DLG2: variants seen among roughly 807,000 people sequenced by gnomAD.
DLG2 encodes disks large homolog 2.
A neutral mutation model predicts 132.5 loss-of-function variants in DLG2; 45 were observed. The observed-to-expected ratio is 0.34, with a 90% CI of 0.27 to 0.44. The LOEUF (loss-of-function observed/expected upper bound fraction) is 0.44. Ranked by LOEUF, DLG2 falls within the 20% of genes least tolerant of loss-of-function variation. The pLI is 1.00. For missense variants in DLG2, 1,045 were observed against 1,196.9 expected, an observed-to-expected ratio of 0.87 and a Z score of 1.87; for synonymous variants, 424 against 419.6, an observed-to-expected ratio of 1.01 and a Z score of -0.13.
chr11:85,435,504 C>G (rs945497079), intron 3 of DLG2, among the ~76,000 whole-genome samples: 1 of 152,044 alleles, frequency 6.6e-6, no homozygotes, highest in Non-Finnish European at 1.5e-5. Context: ...CACAAGCATT[C>G]TTACACAACA....
chr11:83,824,919 TA>T (rs2052060131), intron 17 of DLG2, among the ~76,000 whole-genome samples: 1 of 151,962 alleles, frequency 6.6e-6, no homozygotes, highest in Non-Finnish European at 1.5e-5. Context: ...TTGTGACATA[TA>T]GTATGTTTAT....
At chr11:83,931,315 C>A (rs2080172161) in intron 14 of DLG2, among the ~76,000 whole-genome samples, 1 of 152,118 alleles carries the variant, frequency 6.6e-6, no homozygotes, top group South Asian at 2.1e-4. Flanking sequence ...TCTAAACTGC[C>A]AGCACAGAAC....
At chr11:85,502,997 G>A (rs2093840404) in intron 3 of DLG2, among the ~76,000 whole-genome samples, 1 of 151,902 alleles carries the variant, frequency 6.6e-6, no homozygotes, top group African/African-American at 2.4e-5. Context: ...AATAAAAAAT[G>A]AACAAACTAA....
chr11:84,355,466 C>T lies in DLG2; in HGVS notation c.520-104175G>A, dbSNP rs183513215. ...CCAGAGAAGTGCCTTTCCCCTTCTG[C>T]CAAGTGAAGACACAGCAAGAAGGTG... is the stretch of plus-strand genomic sequence containing the variant. On this transcript the variant is annotated intron_variant, in intron 7 of 27. Transcript: ENST00000376104. Among the ~76,000 whole-genome samples the T allele has an allele frequency of 2.2e-3, 339 of 152,078 alleles. 2 individuals are homozygous for T. The highest frequency in any genetic ancestry group is 7.9e-3 in the African/African-American group (328 of 41,512).
intron 8 of DLG2, among the ~76,000 whole-genome samples, chr11:84,192,993 A>AAATTAGTG (rs1261714964): frequency 6.6e-6 from 1 of 152,164 alleles, no homozygotes; most frequent in Non-Finnish European, 1.5e-5. Context: ...AAATTAAAAA[A>AAATTAGTG]AATTAGTGAA....
At chr11:84,785,927 A>G (rs1468962681) in intron 6 of DLG2, among the ~76,000 whole-genome samples, 1 of 152,040 alleles carries the variant, frequency 6.6e-6, no homozygotes, top group Non-Finnish European at 1.5e-5. Flanking sequence ...TTTCCTACCT[A>G]AGACCTAGAA....
chr11:83,883,362 G>C (rs1365621771), intron 15 of DLG2, among the ~76,000 whole-genome samples: 1 of 151,940 alleles, frequency 6.6e-6, no homozygotes, highest in Non-Finnish European at 1.5e-5. Context: ...TTTTTCTGAA[G>C]TTCTATTTCA....
chr11:84,029,103 T>C (rs987197864), intron 11 of DLG2, among the ~76,000 whole-genome samples: 1 of 152,234 alleles, frequency 6.6e-6, no homozygotes, highest in Admixed American at 6.6e-5. Context: ...TGCAGTATAT[T>C]AGCAATTTAT....
At chr11:85,423,693 GT>G (rs1207822697) in intron 3 of DLG2, among the ~76,000 whole-genome samples, 4 of 152,036 alleles carry the variant, frequency 2.6e-5, no homozygotes, top group Non-Finnish European at 5.9e-5. Flanking sequence ...TGCTATGCAG[GT>G]TGTCAGGGAA....
At chr11:83,673,515 C>T (rs775450271) in intron 18 of DLG2, among the ~76,000 whole-genome samples, 1 of 152,120 alleles carries the variant, frequency 6.6e-6, no homozygotes. Flanking sequence ...AATGCATTAT[C>T]CTGTAATATT....
At chr11:85,506,952 A>G (rs2093949656) in intron 3 of DLG2, among the ~76,000 whole-genome samples, 2 of 152,070 alleles carry the variant, frequency 1.3e-5, no homozygotes, top group Non-Finnish European at 2.9e-5. Flanking sequence ...TGTCGAATTG[A>G]TCCCTTTACC....
intron 6 of DLG2, among the ~76,000 whole-genome samples, chr11:84,814,563 C>T (rs777429531): frequency 1.6e-4 from 25 of 152,080 alleles, no homozygotes; most frequent in African/African-American, 2.4e-4. Context: ...CTCCCTCCCT[C>T]CACAGCCTTC....
intron 6 of DLG2, among the ~76,000 whole-genome samples, chr11:84,539,564 G>C (rs1440631326): frequency 1.3e-5 from 2 of 152,148 alleles, no homozygotes; most frequent in Non-Finnish European, 2.9e-5. Flanking sequence ...TGTTGAAGGG[G>C]ACTTGAGTAA....
intron 17 of DLG2, among the ~76,000 whole-genome samples, chr11:83,815,964 C>T (rs532763779): frequency 3.9e-5 from 6 of 152,264 alleles, no homozygotes; most frequent in South Asian, 2.1e-4. Context: ...TATGCCAAGT[C>T]GGACCCACTC....
intron 7 of DLG2, among the ~76,000 whole-genome samples, chr11:84,291,005 A>C (rs944687893): frequency 9.9e-5 from 15 of 152,172 alleles, no homozygotes; most frequent in Non-Finnish European, 2.1e-4. Context: ...CACATCTAGC[A>C]ATTAAAAGTG....
intron 25 of DLG2, among the ~76,000 whole-genome samples, chr11:83,467,792 TATATATATATATATATATACACACACAC>T (rs1227785781): frequency 9.5e-6 from 1 of 105,812 alleles, no homozygotes; most frequent in African/African-American, 3.9e-5. Context: ...TATATATATA[TATATATATATATATATATACACACACAC>T]ATATAAAATA....
intron 6 of DLG2, among the ~76,000 whole-genome samples, chr11:85,076,003 G>A (rs2066494920): frequency 6.6e-6 from 1 of 151,942 alleles, no homozygotes; most frequent in Non-Finnish European, 1.5e-5. Context: ...ATTATATTTA[G>A]AGCTCCCCTA....
chr11:84,818,610 G>A (rs1202897124), intron 6 of DLG2, among the ~76,000 whole-genome samples: 2 of 151,858 alleles, frequency 1.3e-5, no homozygotes, highest in Admixed American at 1.3e-4. Flanking sequence ...ACAAAGCCCT[G>A]TATCTAATTT....
At chr11:83,662,223 C>T (rs1374880699) in intron 18 of DLG2, among the ~76,000 whole-genome samples, 1 of 152,200 alleles carries the variant, frequency 6.6e-6, no homozygotes, top group Non-Finnish European at 1.5e-5. Context: ...AAACAGCTTT[C>T]ACCCCAGACT....
Sources: allele counts gnomAD v4.1 joint callset (sites outside exome capture counted in the v4.1 genomes callset), GRCh38; gene constraint gnomAD v4.1.1; transcripts MANE v1.5; gene names NCBI Gene and HGNC (gene_info 2026-07-23, HGNC 2026-07-21).